Variants in UBR4 observed in about 807,000 individuals in gnomAD.
The protein encoded by UBR4 is E3 ubiquitin-protein ligase UBR4.
Under a neutral mutation model 575.6 loss-of-function variants are expected in UBR4, and 124 were observed. That is an observed-to-expected ratio of 0.22 (90% CI 0.19 to 0.25). UBR4 has a LOEUF of 0.25. Ranked by LOEUF, UBR4 falls within the 10% of genes least tolerant of loss-of-function variation. UBR4 has a pLI of 1.00. For missense variants in UBR4, 4,818 were observed against 6,478.8 expected (o/e 0.74, Z 8.80); for synonymous variants, 2,455 against 2,473.7 (o/e 0.99, Z 0.22).
intron 73 of UBR4, among the ~76,000 whole-genome samples, chr1:19,116,124 G>A (rs2080498892): frequency 6.6e-6 from 1 of 152,214 alleles, no homozygotes; most frequent in Non-Finnish European, 1.5e-5. Flanking sequence ...ATAACACAAT[G>A]AGAGCTAATA....
chr1:19,079,758 G>A (rs1425414067), intron 103 of UBR4: 3 of 152,286 alleles, frequency 2.0e-5, no homozygotes, highest in East Asian at 3.8e-4. Context: ...TTCCTAGTCT[G>A]CCTGATGAGT....
At position 19,152,187 on chromosome 1, in the gene UBR4, T is replaced by C. The variant is rs1571180635; in HGVS notation, c.6996+126A>G. On this transcript the variant is annotated intron_variant, in intron 47 of 105. Coordinates refer to ENST00000375254, the MANE Select transcript of UBR4 (RefSeq NM_020765.3). This position sits in a 1 kb window ranked among gnomAD's most constrained non-coding sequence, Gnocchi z 4.4. Reference sequence around the variant, plus strand: ...CCATTTTTCTAAGGAACCATTTAACTAGAACCGAGGGTTGTGACTGTGAGT... The same window carrying C: ...CCATTTTTCTAAGGAACCATTTAACCAGAACCGAGGGTTGTGACTGTGAGT... The C allele has an allele frequency of 4.4e-6, 6 of 1,360,586 alleles. No homozygotes were observed. In the East Asian group the frequency reaches 9.2e-5, roughly 21 times the overall value. The allele number at this position is 1,360,586 out of a possible 1,614,324, so 84.3% of individuals were successfully genotyped here. A position where few individuals can be genotyped will look rare whatever the true frequency, so the allele number is the denominator to read the frequency against.
At chr1:19,123,171 G>T in intron 65 of UBR4, 111 bp from the exon 66 acceptor site, 1 of 1,190,346 alleles carries the variant, frequency 8.4e-7, no homozygotes, top group Non-Finnish European at 1.2e-6. Context: ...CTGGGGACAG[G>T]CCGGGCACGG....
intron 97 of UBR4, among the ~76,000 whole-genome samples, chr1:19,090,456 C>A (rs1355832815): frequency 1.3e-5 from 2 of 152,128 alleles, no homozygotes; most frequent in Non-Finnish European, 2.9e-5. Context: ...TGCCATGCCT[C>A]GCCTCCGACT....
chr1:19,142,740 C>T (rs1316080499), intron 55 of UBR4, among the ~76,000 whole-genome samples: 3 of 152,066 alleles, frequency 2.0e-5, no homozygotes, highest in Non-Finnish European at 2.9e-5. Flanking sequence ...TTTATATTGA[C>T]AAGATGTAGA....
In UBR4 at chr1:19,121,557, T is replaced by C. The variant is rs2081181582; in HGVS notation, c.9896-123A>G. Reference sequence around the variant, plus strand: ...CTCACCAGCTTTCTTTGCCATGTTCTCTCTGCTGGACATTGTGAAGAAGTT... The same window carrying C: ...CTCACCAGCTTTCTTTGCCATGTTCCCTCTGCTGGACATTGTGAAGAAGTT... On this transcript the variant is annotated intron_variant, in intron 67 of 105. Coordinates refer to ENST00000375254, the MANE Select transcript of UBR4 (RefSeq NM_020765.3). 5.6e-6 allele frequency: 7 copies of C among 1,251,792 alleles called. 1 individual carries two copies. In the Admixed American group the frequency reaches 1.9e-4, roughly 33 times the overall value. 77.5% of individuals were successfully genotyped at this position (1,251,792 alleles called of 1,614,324 possible). A position where few individuals can be genotyped will look rare whatever the true frequency, so the allele number is the denominator to read the frequency against.
At chr1:19,173,790 A>T (rs2089908408) in intron 22 of UBR4, among the ~76,000 whole-genome samples, 169 bp from the exon 23 acceptor site, 1 of 152,230 alleles carries the variant, frequency 6.6e-6, no homozygotes, top group Non-Finnish European at 1.5e-5. Context: ...TAGAGAGTGC[A>T]CCTAGCAGAA....
intron 11 of UBR4, among the ~76,000 whole-genome samples, chr1:19,187,888 G>C (rs1371779515): frequency 6.6e-6 from 1 of 151,944 alleles, no homozygotes; most frequent in Non-Finnish European, 1.5e-5. Flanking sequence ...CCTAGAGAGG[G>C]AGACCCTGTC....
In UBR4 at chr1:19,198,880, G is replaced by T. The variant is rs754350371; in HGVS notation, c.427C>A (p.Leu143Ile). The change falls in exon 4 of 106, where the codon CTA becomes ATA. Residue 143 changes from leucine to isoleucine, a missense_variant. Leu to Ile is a conservative substitution (Grantham distance 5, BLOSUM62 2). Around this residue, in one of 29 missense-constraint regions of UBR4, gnomAD observed 85 missense variants for 134.2 expected, o/e 0.63. Transcript: ENST00000375254. ...AATGTGATAATTTCAGTTCTATCTA[G>T]TCGGCTACAGCCAGTGCACAGGCCC... is the stretch of plus-strand genomic sequence containing the variant. Reference protein sequence around the residue: ...IKGLCTGCSRLDRTEIITFTA... With the variant: ...IKGLCTGCSRIDRTEIITFTA... 1.9e-6 allele frequency: 3 copies of T among 1,614,216 alleles called. No individual in the cohort carries two copies. The highest frequency in any genetic ancestry group is 2.5e-6 in the Non-Finnish European group (3 of 1,180,034).
At chr1:19,148,666 C>G in intron 49 of UBR4, 40 bp from the exon 50 acceptor site, 1 of 1,611,090 alleles carries the variant, frequency 6.2e-7, no homozygotes, top group Non-Finnish European at 8.5e-7. Context: ...CAACACCGTT[C>G]TCTCCGCCTT....
rs746254879 is a variant in UBR4 at position 19,148,115 on chromosome 1, T to C, written c.7507A>G (p.Asn2503Asp). The C allele has an allele frequency of 6.2e-7, 1 of 1,607,092 alleles. No homozygotes were observed. The highest frequency in any genetic ancestry group is 1.1e-5 in the South Asian group (1 of 91,004). The stretch of plus-strand genomic sequence containing the variant: ...AAAGTGGCCAGCTCCTGAGCAGCAT[T>C]CTTGTTTCTCTCCTAAGGCAAAAGA... Reference protein sequence around the residue: ...GPIIEKERNKNAAQELATLLL... With the variant: ...GPIIEKERNKDAAQELATLLL... Residue 2503 changes from asparagine to aspartate, a missense_variant, in exon 51 of 106, where the codon AAT (asparagine) becomes GAT (aspartate). Asn to Asp is a conservative substitution (Grantham distance 23). This residue lies in a region of UBR4 where 340 missense variants were observed against 375.4 expected (regional missense o/e 0.91). Transcript: ENST00000375254.
At chr1:19,081,625 G>A in intron 102 of UBR4, 52 bp from the exon 103 acceptor site, 1 of 1,590,764 alleles carries the variant, frequency 6.3e-7, no homozygotes, top group East Asian at 2.2e-5. Context: ...GCAGGACCCG[G>A]CAGCAAGAGC....
intron 103 of UBR4, chr1:19,080,917 ATAGGAATG>A (rs2076437885): frequency 6.1e-6 from 1 of 164,536 alleles, no homozygotes; most frequent in Non-Finnish European, 1.3e-5. Flanking sequence ...GACGCATGGG[ATAGGAATG>A]TAACCAAGAA....
intron 92 of UBR4, 80 bp downstream of exon 92, chr1:19,096,443 C>A (rs1382902752): frequency 1.9e-6 from 3 of 1,549,954 alleles, no homozygotes; most frequent in Non-Finnish European, 2.6e-6. Flanking sequence ...TAAAATGACA[C>A]AGTGGCCATA....
In UBR4 at chr1:19,096,675, G is replaced by C. The variant is rs765196676; in HGVS notation, c.13391-25C>G. On this transcript the variant is annotated intron_variant, in intron 91 of 105. Transcript: ENST00000375254. ...TCTAGGGGAGAAGGGAAGCCAAGCA[G>C]AAATGGAGGGTAAGGTGAAGATGGG... 6 of 1,612,716 alleles carry C rather than the reference G, an allele frequency of 3.7e-6. No individual in the cohort carries two copies. In the Admixed American group the frequency reaches 6.7e-5, roughly 18 times the overall value.
intron 44 of UBR4, 33 bp downstream of exon 44, chr1:19,154,885 T>A: frequency 6.2e-7 from 1 of 1,613,510 alleles, no homozygotes; most frequent in Non-Finnish European, 8.5e-7. Context: ...ATGTGGACAT[T>A]GCGGAAGTTG....
At chr1:19,143,630 T>G (rs2084413279) in intron 55 of UBR4, among the ~76,000 whole-genome samples, 1 of 152,216 alleles carries the variant, frequency 6.6e-6, no homozygotes, top group Non-Finnish European at 1.5e-5. Context: ...TTGTCTTTGG[T>G]CACTGTGATT....
chr1:19,089,100 A>G lies in UBR4; in HGVS notation c.14212-123T>C. 3.1e-6 allele frequency: 3 copies of G among 962,672 alleles called. No homozygotes were observed. Among genetic ancestry groups the G allele is most frequent in the East Asian group, 2.6e-5 (1 of 37,870 alleles). The allele number at this position is 962,672 out of a possible 1,614,324, so 59.6% of individuals were successfully genotyped here. On this transcript the variant is annotated intron_variant, in intron 97 of 105. Transcript: ENST00000375254. The surrounding 1 kb of genome is among the most constrained non-coding windows in gnomAD (Gnocchi z 4.3). ...ATCTCATGTCACCTGCTCAGCTGCAATCAGGTCCTTTGATTCCACACTTTG... is the reference window on the plus strand; with the variant it reads ...ATCTCATGTCACCTGCTCAGCTGCAGTCAGGTCCTTTGATTCCACACTTTG...
Position 19,148,006 on chromosome 1 carries a change from T to C in UBR4, c.7616A>G (p.Tyr2539Cys), listed in dbSNP as rs749458878. Residue 2539 changes from tyrosine to cysteine, a missense_variant, in exon 51 of 106, where the codon TAC (tyrosine) becomes TGC (cysteine). Physicochemically the swap from Tyr to Cys is radical, Grantham distance 194. Coordinates refer to ENST00000375254, the MANE Select transcript of UBR4 (RefSeq NM_020765.3). ...LASLHTSRSA[Y>C]HSHKDQALLS... ...GAGAACAGTTACCTTGTGGCTGTGG[T>C]AGGCCGAGCGGCTGGTGTGCAGGCT... is the stretch of plus-strand genomic sequence containing the variant. 1.2e-6 allele frequency: 2 copies of C among 1,612,826 alleles called. No individual in the cohort carries two copies. The highest frequency in any genetic ancestry group is 1.7e-6 in the Non-Finnish European group (2 of 1,179,744).
Sources: allele counts gnomAD v4.1 joint callset (sites outside exome capture counted in the v4.1 genomes callset), GRCh38; gene constraint gnomAD v4.1.1; regional missense constraint gnomAD v4.1.1; non-coding constraint Gnocchi (gnomAD v3.1); transcripts MANE v1.5; gene names NCBI Gene and HGNC (gene_info 2026-07-23, HGNC 2026-07-21).